POLR1B: variants seen among roughly 807,000 people sequenced by gnomAD.
The protein encoded by POLR1B is DNA-directed RNA polymerase I subunit RPA2.
A neutral mutation model predicts 105.8 loss-of-function variants in POLR1B; 30 were observed. The ratio of observed to expected loss-of-function variants is 0.28; its 90% CI spans 0.21 to 0.38. The LOEUF is 0.38. Ranked by LOEUF, POLR1B falls within the 10% of genes least tolerant of loss-of-function variation. POLR1B has a pLI of 1.00. For missense variants in POLR1B, 976 were observed against 1,435.8 expected (o/e 0.68, Z 5.17); for synonymous variants, 485 against 505.1 (o/e 0.96, Z 0.53).
intron 7 of POLR1B, 151 bp downstream of exon 7, chr2:112,552,967 G>T: frequency 1.5e-6 from 1 of 675,574 alleles, no homozygotes; most frequent in Non-Finnish European, 2.2e-6. Flanking sequence ...GCAGTAAGGG[G>T]ATCAGAAATC....
At chr2:112,561,891 C>G (rs949247973) in intron 9 of POLR1B, among the ~76,000 whole-genome samples, 2 of 152,036 alleles carry the variant, frequency 1.3e-5, no homozygotes, top group African/African-American at 4.8e-5. Context: ...AGGCTGGTCT[C>G]GAACTCCTGG....
At chr2:112,571,713 C>G (rs1471575689) in intron 12 of POLR1B, among the ~76,000 whole-genome samples, 2 of 152,190 alleles carry the variant, frequency 1.3e-5, no homozygotes, top group African/African-American at 4.8e-5. Flanking sequence ...TTGTCATGCT[C>G]AGAACTCTAT....
chr2:112,563,313 C>A (rs1465506383), intron 9 of POLR1B, among the ~76,000 whole-genome samples: 1 of 152,112 alleles, frequency 6.6e-6, no homozygotes, highest in Non-Finnish European at 1.5e-5. Flanking sequence ...CCTCTGCCTC[C>A]CAAAGTGCTG....
intron 12 of POLR1B, among the ~76,000 whole-genome samples, chr2:112,569,353 T>G (rs1233698437): frequency 6.6e-6 from 1 of 152,234 alleles, no homozygotes; most frequent in Admixed American, 6.5e-5. Flanking sequence ...TTTTTTATAG[T>G]GCAGGTTGCT....
rs151127933 is a variant in POLR1B, at chr2:112,575,115, A to G, written c.2794A>G (p.Ser932Gly). 275 of 1,614,008 alleles carry G rather than the reference A, an allele frequency of 1.7e-4. No individual in the cohort carries two copies. Among genetic ancestry groups the G allele is most frequent in the Non-Finnish European group, 2.0e-4 (232 of 1,180,030 alleles). Reference protein sequence around the residue: ...SRMTIGMLIESMAGKSAALHG... With the variant: ...SRMTIGMLIEGMAGKSAALHG... ...CATGACCATTGGGATGTTAATTGAG[A>G]GTATGGCCGGGAAGTCTGCAGCTTT... The change falls in exon 15 of 15, where the codon AGT becomes GGT. Residue 932 changes from serine to glycine, a missense_variant. Ser to Gly is a moderately conservative substitution (Grantham distance 56). This residue lies in a region of POLR1B where 35 missense variants were observed against 102.5 expected (regional missense o/e 0.34). Coordinates refer to ENST00000263331, the MANE Select transcript of POLR1B (RefSeq NM_019014.6). This position sits in a 1 kb window ranked among gnomAD's most constrained non-coding sequence, Gnocchi z 5.3.
intron 3 of POLR1B, 126 bp from the exon 4 acceptor site, chr2:112,549,141 C>A: frequency 9.9e-7 from 1 of 1,011,260 alleles, no homozygotes; most frequent in Non-Finnish European, 1.5e-6. Context: ...TTCAAGGGAT[C>A]AGTAGTACAT....
At chr2:112,562,376 T>C (rs2104550332) in intron 9 of POLR1B, among the ~76,000 whole-genome samples, 1 of 152,284 alleles carries the variant, frequency 6.6e-6, no homozygotes, top group East Asian at 1.9e-4. Flanking sequence ...GTCCCCTTGC[T>C]ACTTCTTTCC....
chr2:112,548,994 G>A (rs1028423949), intron 3 of POLR1B, among the ~76,000 whole-genome samples: 4 of 152,132 alleles, frequency 2.6e-5, no homozygotes, highest in Non-Finnish European at 5.9e-5. Flanking sequence ...GGGACAGAAA[G>A]GCAAGATAGG....
chr2:112,577,214 C>T lies in POLR1B; in HGVS notation c.*1485C>T, dbSNP rs1305877189. On this transcript the variant is annotated 3_prime_UTR_variant, in exon 15 of 15. Coordinates refer to ENST00000263331, the MANE Select transcript of POLR1B (RefSeq NM_019014.6). ...AGATGGTCTGTCACTAATTATAAGG[C>T]AGATAGGAACAGACAGAAAAATCTA... is the stretch of plus-strand genomic sequence containing the variant. The T allele has an allele frequency of 2.0e-5, 3 of 152,176 alleles. No individual in the cohort carries two copies. In the East Asian group the frequency reaches 5.8e-4, roughly 29 times the overall value. 9.4% of individuals were successfully genotyped at this position (152,176 alleles called of 1,614,324 possible).
At chr2:112,570,254 G>T (rs571620653) in intron 12 of POLR1B, among the ~76,000 whole-genome samples, 3 of 152,022 alleles carry the variant, frequency 2.0e-5, no homozygotes, top group Non-Finnish European at 4.4e-5. Flanking sequence ...CACCATGTTG[G>T]CCTGGCTGGT....
intron 5 of POLR1B, 145 bp downstream of exon 5, chr2:112,551,147 C>T (rs1683345096): frequency 1.1e-6 from 1 of 874,648 alleles, no homozygotes; most frequent in East Asian, 2.4e-5. Context: ...AATTCAATAG[C>T]TTAAAACTCA....
chr2:112,569,079 G>A (rs1684455234), intron 12 of POLR1B, among the ~76,000 whole-genome samples, 177 bp downstream of exon 12: 1 of 152,162 alleles, frequency 6.6e-6, no homozygotes, highest in Admixed American at 6.5e-5. Flanking sequence ...ATTGTATTTA[G>A]TTGGCATGTC....
At chr2:112,560,272 T>C (rs1177161394) in intron 9 of POLR1B, among the ~76,000 whole-genome samples, 3 of 152,134 alleles carry the variant, frequency 2.0e-5, no homozygotes, top group African/African-American at 7.2e-5. Context: ...ATAAGAATGA[T>C]GCCAAAGCAT....
In POLR1B at chr2:112,578,246, T is replaced by C. The variant is rs112197366; in HGVS notation, c.*2517T>C. On this transcript the variant is annotated 3_prime_UTR_variant, in exon 15 of 15. Transcript: ENST00000263331. ...TATTTCATTTTATCACCTGTGTAGA[T>C]GGATGAAAACAGCAACATAAGCAAG... is the stretch of plus-strand genomic sequence containing the variant. Among the ~76,000 whole-genome samples, 27 of 152,192 alleles carry C rather than the reference T, an allele frequency of 1.8e-4. No individual in the cohort carries two copies. Among genetic ancestry groups the C allele is most frequent in the African/African-American group, 6.3e-4 (26 of 41,440 alleles).
intron 9 of POLR1B, among the ~76,000 whole-genome samples, chr2:112,561,571 G>T (rs1169284344): frequency 6.6e-6 from 1 of 152,098 alleles, no homozygotes; most frequent in Non-Finnish European, 1.5e-5. Context: ...TACAGGGTAA[G>T]GTTCCTTCAA....
chr2:112,565,195 TTATATTCC>T (rs1684213708), intron 10 of POLR1B, among the ~76,000 whole-genome samples: 1 of 152,254 alleles, frequency 6.6e-6, no homozygotes, highest in South Asian at 2.1e-4. Context: ...TCTTTAATTC[TTATATTCC>T]TATAAGTGGA....
chr2:112,554,681 T>C (rs1683555382), intron 7 of POLR1B: 1 of 152,188 alleles, frequency 6.6e-6, no homozygotes, highest in African/African-American at 2.4e-5. Context: ...GGGCTCATTG[T>C]ATTCCACACT....
At chr2:112,561,532 G>A (rs1381766805) in intron 9 of POLR1B, among the ~76,000 whole-genome samples, 3 of 151,904 alleles carry the variant, frequency 2.0e-5, no homozygotes, top group African/African-American at 7.3e-5. Context: ...AGTTACCAGT[G>A]AATATTGAAC....
chr2:112,547,986 C>T (rs1683147116), intron 3 of POLR1B, among the ~76,000 whole-genome samples: 1 of 151,980 alleles, frequency 6.6e-6, no homozygotes, highest in Non-Finnish European at 1.5e-5. Flanking sequence ...CAGGAGGCCT[C>T]ACTACAGTGA....
Sources: gnomAD v4.1 joint callset for allele counts (sites outside exome capture counted in the v4.1 genomes callset) on GRCh38, gnomAD v4.1.1 for gene constraint, gnomAD v4.1.1 regional missense constraint, Gnocchi (gnomAD v3.1) non-coding constraint, MANE v1.5 for transcripts, NCBI Gene and HGNC (gene_info 2026-07-23, HGNC 2026-07-21) for gene names.